Variants in CCBE1 observed in about 807,000 individuals in gnomAD.
The protein encoded by CCBE1 is collagen and calcium-binding EGF domain-containing protein 1.
A neutral mutation model predicts 50.0 loss-of-function variants in CCBE1; 37 were observed. That is an observed-to-expected ratio of 0.74 (90% confidence interval 0.57 to 0.97). The LOEUF (loss-of-function observed/expected upper bound fraction) is 0.97, where lower values mean the gene tolerates loss of function less well. Among genes scored for constraint, CCBE1 ranks in the 50% least tolerant of loss-of-function variants. CCBE1 has a pLI of 0.00. For missense variants in CCBE1, 538 were observed against 523.8 expected (o/e 1.03, Z -0.26); for synonymous variants, 234 against 203.7 (o/e 1.15, Z -1.27).
intron 2 of CCBE1, among the ~76,000 whole-genome samples, chr18:59,506,494 C>T (rs1478095027): frequency 6.6e-6 from 1 of 152,212 alleles, no homozygotes; most frequent in Non-Finnish European, 1.5e-5. Flanking sequence ...AGGTAACCAA[C>T]CCCAGCAGAA....
At chr18:59,657,702 C>T (rs1280192226) in intron 2 of CCBE1, among the ~76,000 whole-genome samples, 1 of 151,992 alleles carries the variant, frequency 6.6e-6, no homozygotes, top group Non-Finnish European at 1.5e-5. Context: ...ACCAGACTGG[C>T]CAACATGATG....
At chr18:59,462,818 G>A (rs1310247049) in intron 5 of CCBE1, among the ~76,000 whole-genome samples, 1 of 152,158 alleles carries the variant, frequency 6.6e-6, no homozygotes, top group Non-Finnish European at 1.5e-5. Context: ...TATGCTTATT[G>A]ACAGCTCACA....
intron 2 of CCBE1, among the ~76,000 whole-genome samples, chr18:59,585,515 T>C (rs1216324816): frequency 6.6e-6 from 1 of 152,198 alleles, no homozygotes. Context: ...TGAGTGAATA[T>C]TCAATCAAAT....
chr18:59,626,741 A>C (rs2053790546), intron 2 of CCBE1, among the ~76,000 whole-genome samples: 1 of 152,220 alleles, frequency 6.6e-6, no homozygotes, highest in African/African-American at 2.4e-5. Context: ...CTCATCTACT[A>C]TGCTATGCCA....
At position 59,448,026 on chromosome 18, in the gene CCBE1, G is replaced by T; in HGVS notation, c.732C>A (p.Tyr244Ter). Reference protein sequence around the residue: ...TGDKVLASNTYLPGPPGLPGG... With the variant: ...TGDKVLASNT ...CAGGCAGGCCAGGAGGTCCTGGAAG[G>T]TAGGTGTTTGAGGCCAGCACCTTGT... is the stretch of plus-strand genomic sequence containing the variant. The change falls in exon 7 of 11, where the codon TAC becomes TAA. Residue 244 changes from tyrosine (Y) to a stop codon, truncating the protein, a stop_gained. Coordinates refer to ENST00000439986, the MANE Select transcript of CCBE1 (RefSeq NM_133459.4). LOFTEE classifies it high-confidence loss of function. The T allele has an allele frequency of 6.2e-7, 1 of 1,614,222 alleles. No individual in the cohort carries two copies. The highest frequency in any genetic ancestry group is 1.1e-5 in the South Asian group (1 of 91,080).
At chr18:59,509,333 T>C (rs1455172662) in intron 2 of CCBE1, among the ~76,000 whole-genome samples, 3 of 152,150 alleles carry the variant, frequency 2.0e-5, no homozygotes, top group Admixed American at 6.5e-5. Context: ...CATAAATATA[T>C]ATATATACAC....
In CCBE1 at chr18:59,660,444, C is replaced by CA. The variant is rs375553972; in HGVS notation, c.212+36184dup. On this transcript the variant is annotated intron_variant, in intron 2 of 10. Transcript: ENST00000439986. ...ACTTCATTCTCGGTGTACGGTATTC[C>CA]AATTCCTAAACACCAACTTTAGTTG... is the stretch of plus-strand genomic sequence containing the variant. Among the ~76,000 whole-genome samples the CA allele has an allele frequency of 3.7e-3, 561 of 152,214 alleles. 1 individual carries two copies. The highest frequency in any genetic ancestry group is 6.5e-3 in the Non-Finnish European group (444 of 68,016).
intron 3 of CCBE1, among the ~76,000 whole-genome samples, chr18:59,474,070 ATTC>A (rs1427651081): frequency 2.0e-5 from 3 of 152,192 alleles, no homozygotes; most frequent in African/African-American, 4.8e-5. Context: ...ATATGATTTC[ATTC>A]TTTTTTATGA....
Position 59,697,280 on chromosome 18 carries a change from AC to A in CCBE1, c.62del (p.Gly21ValfsTer40). The A allele has an allele frequency of 6.5e-7, 1 of 1,549,138 alleles. No homozygotes were observed. Among genetic ancestry groups the A allele is most frequent in the Non-Finnish European group, 8.7e-7 (1 of 1,146,742 alleles). On this transcript the variant is annotated frameshift_variant, in exon 1 of 11. Coordinates refer to ENST00000439986, the MANE Select transcript of CCBE1 (RefSeq NM_133459.4). LOFTEE classifies it high-confidence loss of function. ...CCAACGCCAGGAGCAGCAGCAGCGG[AC>A]CCAGGCTCCTGCCCAGCTGGCCCCT... The part of the protein sequence containing the change: ...AARGQLGRSL[G>X]PLLLLLALGH...
chr18:59,615,189 G>A (rs1391209408), intron 2 of CCBE1, among the ~76,000 whole-genome samples: 1 of 152,228 alleles, frequency 6.6e-6, no homozygotes, highest in Non-Finnish European at 1.5e-5. Flanking sequence ...CTCCGTGGAA[G>A]TGACCAGGGG....
At chr18:59,541,150 G>T (rs559482453) in intron 2 of CCBE1, among the ~76,000 whole-genome samples, 53 of 152,134 alleles carry the variant, frequency 3.5e-4, no homozygotes, top group Non-Finnish European at 6.9e-4. Context: ...TGGTAGCTTT[G>T]CAAAACACTC....
At chr18:59,680,754 A>T (rs2054578740) in intron 2 of CCBE1, among the ~76,000 whole-genome samples, 1 of 152,136 alleles carries the variant, frequency 6.6e-6, no homozygotes, top group Non-Finnish European at 1.5e-5. Flanking sequence ...AAGAAACAAC[A>T]GCTGCAGTGG....
At chr18:59,604,503 A>AT (rs1425701723) in intron 2 of CCBE1, among the ~76,000 whole-genome samples, 1 of 152,210 alleles carries the variant, frequency 6.6e-6, no homozygotes, top group East Asian at 1.9e-4. Flanking sequence ...ATCAGATATA[A>AT]TAAAGTCAAA....
intron 6 of CCBE1, among the ~76,000 whole-genome samples, chr18:59,451,390 A>G (rs1387547758): frequency 7.2e-6 from 1 of 138,066 alleles, no homozygotes; most frequent in Non-Finnish European, 1.5e-5. Flanking sequence ...CAGCAATTTC[A>G]CTCTCAAATC....
intron 2 of CCBE1, among the ~76,000 whole-genome samples, chr18:59,609,591 C>A (rs1415719517): frequency 6.6e-6 from 1 of 152,240 alleles, no homozygotes; most frequent in African/African-American, 2.4e-5. Context: ...TTCCCTGAAT[C>A]CTTACTGCCA....
intron 2 of CCBE1, among the ~76,000 whole-genome samples, chr18:59,495,581 T>C (rs1196613609): frequency 6.6e-6 from 1 of 152,044 alleles, no homozygotes; most frequent in Non-Finnish European, 1.5e-5. Context: ...GCCATGTCCT[T>C]GGCCCACGCC....
At chr18:59,529,595 G>A (rs1914968776) in intron 2 of CCBE1, among the ~76,000 whole-genome samples, 1 of 152,222 alleles carries the variant, frequency 6.6e-6, no homozygotes. Flanking sequence ...TTGGCTGGGG[G>A]TGGGGTGGGA....
intron 2 of CCBE1, among the ~76,000 whole-genome samples, chr18:59,689,886 C>T (rs1484135567): frequency 6.6e-6 from 1 of 152,166 alleles, no homozygotes; most frequent in African/African-American, 2.4e-5. Flanking sequence ...CTTCTGTTAC[C>T]ACCATCCCTG....
At chr18:59,468,341 C>T (rs554321562) in intron 4 of CCBE1, among the ~76,000 whole-genome samples, 5 of 152,266 alleles carry the variant, frequency 3.3e-5, no homozygotes, top group South Asian at 4.1e-4. Flanking sequence ...GCCATGATCA[C>T]GCCACTGCAC....
Sources: gnomAD v4.1 joint callset for allele counts (sites outside exome capture counted in the v4.1 genomes callset) on GRCh38, gnomAD v4.1.1 for gene constraint, MANE v1.5 for transcripts, NCBI Gene and HGNC (gene_info 2026-07-23, HGNC 2026-07-21) for gene names.